The following TMEM135 variants were observed in gnomAD, a reference collection of about 807,000 sequenced individuals.
The protein encoded by TMEM135 is transmembrane protein 135.
Under a neutral mutation model 60.3 loss-of-function variants are expected in TMEM135, and 30 were observed. The observed-to-expected ratio is 0.50, with a 90% CI of 0.37 to 0.68. The LOEUF (loss-of-function observed/expected upper bound fraction) is 0.68. Among genes scored for constraint, TMEM135 ranks in the 30% least tolerant of loss-of-function variants. TMEM135 has a pLI of 0.00. For missense variants in TMEM135, 468 were observed against 548.8 expected (o/e 0.85, Z 1.47); for synonymous variants, 190 against 186.7 (o/e 1.02, Z -0.14).
At chr11:87,195,395 C>CCTTCCTTCCTTCCTTCCTTCCTTCCT in intron 5 of TMEM135, among the ~76,000 whole-genome samples, 1 of 123,068 alleles carries the variant, frequency 8.1e-6, no homozygotes, top group South Asian at 2.5e-4. Flanking sequence ...CCTTCCTTCT[C>CCTTCCTTCCTTCCTTCCTTCCTTCCT]TCTCTCTCTC....
At chr11:87,166,719 A>T (rs1269033936) in intron 5 of TMEM135, among the ~76,000 whole-genome samples, 1 of 150,852 alleles carries the variant, frequency 6.6e-6, no homozygotes, top group East Asian at 2.0e-4. Context: ...CTTGTAGTAT[A>T]GTTTGAAGTA....
intron 4 of TMEM135, among the ~76,000 whole-genome samples, chr11:87,130,259 C>G (rs1480067503): frequency 6.6e-6 from 1 of 151,812 alleles, no homozygotes; most frequent in Non-Finnish European, 1.5e-5. Context: ...CCATCCCCTA[C>G]TCTGCTGATC....
intron 5 of TMEM135, among the ~76,000 whole-genome samples, chr11:87,188,942 T>G (rs1453626652): frequency 6.6e-6 from 1 of 152,170 alleles, no homozygotes; most frequent in Non-Finnish European, 1.5e-5. Flanking sequence ...CAACTTATTC[T>G]TCATAACTAT....
At chr11:87,055,546 G>C (rs1949885622) in intron 1 of TMEM135, among the ~76,000 whole-genome samples, 1 of 151,188 alleles carries the variant, frequency 6.6e-6, no homozygotes, top group South Asian at 2.1e-4. Context: ...TTAAAGGTAA[G>C]TTGGGATTTT....
intron 1 of TMEM135, among the ~76,000 whole-genome samples, chr11:87,042,958 T>C (rs952976880): frequency 5.5e-5 from 7 of 126,462 alleles, no homozygotes; most frequent in African/African-American, 2.0e-4. Context: ...AGTTTTGTTT[T>C]GTTTTTTTTT....
chr11:87,088,614 G>C (rs1268617629), intron 3 of TMEM135, among the ~76,000 whole-genome samples: 2 of 152,154 alleles, frequency 1.3e-5, no homozygotes. Context: ...TATTAGTTCG[G>C]TCTATTCAGT....
chr11:87,124,016 T>C (rs183629084), intron 4 of TMEM135, among the ~76,000 whole-genome samples: 2 of 152,362 alleles, frequency 1.3e-5, no homozygotes, highest in Admixed American at 1.3e-4. Context: ...CTTTCTACTC[T>C]ATCACTGTAG....
chr11:87,276,248 C>G (rs1456499650), intron 6 of TMEM135, among the ~76,000 whole-genome samples: 9 of 152,020 alleles, frequency 5.9e-5, no homozygotes, highest in Non-Finnish European at 1.3e-4. Context: ...ATCATTTTCT[C>G]TGTTTCAGAC....
chr11:87,146,973 C>G (rs2135253459), intron 4 of TMEM135, among the ~76,000 whole-genome samples: 2 of 152,016 alleles, frequency 1.3e-5, no homozygotes, highest in Admixed American at 1.3e-4. Context: ...TAAATTGACC[C>G]ACTGAAATCT....
intron 5 of TMEM135, among the ~76,000 whole-genome samples, chr11:87,167,983 C>T (rs185783670): frequency 6.6e-5 from 10 of 152,236 alleles, no homozygotes; most frequent in African/African-American, 2.2e-4. Context: ...GCCTCAATTT[C>T]AGAACTTGTT....
intron 7 of TMEM135, among the ~76,000 whole-genome samples, chr11:87,300,649 T>C (rs1298545641): frequency 2.0e-5 from 3 of 152,102 alleles, no homozygotes; most frequent in Non-Finnish European, 4.4e-5. Flanking sequence ...TATTACTATG[T>C]TCATTCATTC....
chr11:87,152,507 T>G (rs1238947232), intron 4 of TMEM135, among the ~76,000 whole-genome samples: 2 of 152,220 alleles, frequency 1.3e-5, no homozygotes, highest in African/African-American at 4.8e-5. Flanking sequence ...CAGGCTGGGC[T>G]TGGCTCACTG....
chr11:87,093,400 G>A (rs1330716502), intron 4 of TMEM135, among the ~76,000 whole-genome samples: 1 of 151,746 alleles, frequency 6.6e-6, no homozygotes, highest in African/African-American at 2.4e-5. Flanking sequence ...TTTTATTTTT[G>A]TAGAGATGGG....
Position 87,188,221 on chromosome 11 carries a change from A to G in TMEM135, c.462+30815A>G, listed in dbSNP as rs532682050. 3.3e-5 allele frequency among the ~76,000 whole-genome samples: 5 copies of G among 152,260 alleles called. 1 individual carries two copies. In the South Asian group the frequency reaches 1.0e-3, roughly 32 times the overall value. On this transcript the variant is annotated intron_variant, in intron 5 of 14. Transcript: ENST00000305494. ...TATTTTTGTTCATACGCCACCCCTC[A>G]ATCTCATACAGAGGGCTTTATGATG...
intron 5 of TMEM135, among the ~76,000 whole-genome samples, chr11:87,159,617 A>ACACACACACACACCCCCCCCC (rs140303858): frequency 1.6e-4 from 24 of 149,450 alleles, no homozygotes; most frequent in African/African-American, 4.5e-4. Flanking sequence ...ACACACACAC[A>ACACACACACACACCCCCCCCC]CCATAGATTT....
chr11:87,054,680 A>G (rs896672280), intron 1 of TMEM135, among the ~76,000 whole-genome samples: 3 of 152,110 alleles, frequency 2.0e-5, no homozygotes, highest in Non-Finnish European at 2.9e-5. Flanking sequence ...TTGGATTGTG[A>G]TTAATCCACT....
At chr11:87,102,385 C>T (rs990504991) in intron 4 of TMEM135, among the ~76,000 whole-genome samples, 2 of 151,912 alleles carry the variant, frequency 1.3e-5, no homozygotes, top group Non-Finnish European at 2.9e-5. Context: ...GCCAGATGGA[C>T]GAGATGCATA....
intron 4 of TMEM135, among the ~76,000 whole-genome samples, chr11:87,144,753 GA>G (rs1382735546): frequency 8.4e-6 from 1 of 119,474 alleles, no homozygotes; most frequent in African/African-American, 3.5e-5. Flanking sequence ...CTACTTTCAA[GA>G]GTTTTTTTTT....
chr11:87,154,212 A>G (rs1204111972), intron 4 of TMEM135, among the ~76,000 whole-genome samples: 1 of 152,220 alleles, frequency 6.6e-6, no homozygotes, highest in African/African-American at 2.4e-5. Context: ...GATACTTCAT[A>G]TAAGTGAATC....
Sources: allele counts gnomAD v4.1 joint callset (sites outside exome capture counted in the v4.1 genomes callset), GRCh38; gene constraint gnomAD v4.1.1; transcripts MANE v1.5; gene names NCBI Gene and HGNC (gene_info 2026-07-23, HGNC 2026-07-21).